Variants in NUP93 observed in about 807,000 individuals in gnomAD.
The protein encoded by NUP93 is nucleoporin 93.
NUP93 carries 55 observed loss-of-function variants against 107.8 expected under a neutral mutation model. The observed-to-expected ratio is 0.51, with a 90% CI of 0.41 to 0.64. NUP93 has a LOEUF of 0.64. Among genes scored for constraint, NUP93 ranks in the 30% least tolerant of loss-of-function variants. The probability of loss-of-function intolerance (pLI) is 0.00; values close to 1 mark genes in which losing one functional copy is unlikely to be tolerated. For missense variants in NUP93, 937 were observed against 1,044.7 expected (o/e 0.90, Z 1.42); for synonymous variants, 390 against 397.5 (o/e 0.98, Z 0.22).
chr16:56,755,872 CAAAAT>C (rs1962009013), intron 2 of NUP93, among the ~76,000 whole-genome samples: 1 of 152,080 alleles, frequency 6.6e-6, no homozygotes, highest in Non-Finnish European at 1.5e-5. Flanking sequence ...AAGACTGTCT[CAAAAT>C]AAATAAGTAA....
chr16:56,732,455 G>A (rs1961550401), intron 1 of NUP93, among the ~76,000 whole-genome samples: 1 of 152,340 alleles, frequency 6.6e-6, no homozygotes. Flanking sequence ...GAAGTGTGAT[G>A]TCAGGGCTGT....
intron 2 of NUP93, among the ~76,000 whole-genome samples, chr16:56,751,672 A>C (rs1391476196): frequency 6.6e-6 from 1 of 152,162 alleles, no homozygotes; most frequent in Non-Finnish European, 1.5e-5. Flanking sequence ...TTATGTATCC[A>C]ATATTTTCAG....
At chr16:56,786,592 G>C (rs1962632989) in intron 3 of NUP93, among the ~76,000 whole-genome samples, 1 of 152,214 alleles carries the variant, frequency 6.6e-6, no homozygotes, top group Non-Finnish European at 1.5e-5. Context: ...GAGTCTTCCT[G>C]GGCCTGTGTT....
intron 3 of NUP93, among the ~76,000 whole-genome samples, chr16:56,777,617 A>G (rs367888077): frequency 1.3e-5 from 2 of 152,352 alleles, no homozygotes; most frequent in South Asian, 2.1e-4. Flanking sequence ...CTAATTAGTA[A>G]GGACAGATGA....
At chr16:56,783,491 G>C (rs952712588) in intron 3 of NUP93, 1 of 985,324 alleles carries the variant, frequency 1.0e-6, no homozygotes, top group East Asian at 1.1e-4. Flanking sequence ...GAGACAATGA[G>C]ATGTGGTTTG....
At chr16:56,736,051 T>C (rs1254126020) in intron 1 of NUP93, among the ~76,000 whole-genome samples, 1 of 152,070 alleles carries the variant, frequency 6.6e-6, no homozygotes, top group East Asian at 1.9e-4. Flanking sequence ...GTTTAGGAGC[T>C]GGGTGCAGTG....
intron 3 of NUP93, among the ~76,000 whole-genome samples, chr16:56,778,734 G>C (rs373379304): frequency 2.6e-5 from 4 of 152,176 alleles, no homozygotes; most frequent in African/African-American, 9.7e-5. Flanking sequence ...ATTGAGAGTT[G>C]AGATTTCATT....
chr16:56,776,123 A>G (rs1453575264), intron 3 of NUP93, among the ~76,000 whole-genome samples: 4 of 151,958 alleles, frequency 2.6e-5, no homozygotes, highest in African/African-American at 9.7e-5. Context: ...ATGAAAAAAT[A>G]GAATTTTGCG....
intron 5 of NUP93, among the ~76,000 whole-genome samples, chr16:56,815,540 A>G (rs567826106): frequency 1.2e-4 from 19 of 152,206 alleles, no homozygotes; most frequent in African/African-American, 4.6e-4. Flanking sequence ...TGAGGTGTCC[A>G]TATCTGTCTG....
At chr16:56,744,936 C>T (rs1388261771) in intron 1 of NUP93, among the ~76,000 whole-genome samples, 3 of 152,198 alleles carry the variant, frequency 2.0e-5, no homozygotes, top group African/African-American at 7.2e-5. Context: ...AGGACAGACT[C>T]TCACCAACGG....
intron 1 of NUP93, among the ~76,000 whole-genome samples, chr16:56,734,778 G>A (rs989829582): frequency 1.3e-5 from 2 of 152,184 alleles, no homozygotes; most frequent in East Asian, 1.9e-4. Context: ...ACAATGCCAC[G>A]GTTTTAGACC....
intron 3 of NUP93, among the ~76,000 whole-genome samples, chr16:56,778,037 T>A (rs1962446797): frequency 6.6e-6 from 1 of 152,314 alleles, no homozygotes; most frequent in Middle Eastern, 3.4e-3. Context: ...GAAGTTTGTC[T>A]TCTACCTATA....
rs368419147 is a variant in NUP93, at chr16:56,798,464, C to A, written c.298-12C>A. ...TTAATTTTAAGTTGTGTTAATTTTC[C>A]CCCATTTATAGGGCTTCCTGAAGAA... On this transcript the variant is annotated splice_polypyrimidine_tract_variant and intron_variant, in intron 3 of 21. Coordinates refer to ENST00000308159, the MANE Select transcript of NUP93 (RefSeq NM_014669.5). 1.4e-4 allele frequency: 221 copies of A among 1,611,890 alleles called. 2 individuals are homozygous for A. The Middle Eastern group carries it at 1.8e-3, about 13-fold the overall frequency.
intron 3 of NUP93, among the ~76,000 whole-genome samples, chr16:56,767,123 G>A (rs1178128825): frequency 6.6e-6 from 1 of 152,268 alleles, no homozygotes; most frequent in Non-Finnish European, 1.5e-5. Flanking sequence ...TCTGACAGCT[G>A]CTGGTCTGCA....
intron 5 of NUP93, among the ~76,000 whole-genome samples, chr16:56,815,899 G>GCTGCTGCTGCTGCTGCTGGTGC (rs1555495759): frequency 9.4e-5 from 9 of 95,984 alleles, no homozygotes; most frequent in Non-Finnish European, 1.3e-4. Context: ...GCTGCTGCTG[G>GCTGCTGCTGCTGCTGCTGGTGC]TGCTGCTGCT....
intron 3 of NUP93, among the ~76,000 whole-genome samples, chr16:56,781,498 C>A (rs1273369252): frequency 6.6e-6 from 1 of 152,120 alleles, no homozygotes; most frequent in East Asian, 1.9e-4. Flanking sequence ...CTTTTAACTA[C>A]CATTTATTTT....
At chr16:56,766,840 C>G (rs565587177) in intron 3 of NUP93, among the ~76,000 whole-genome samples, 1 of 152,208 alleles carries the variant, frequency 6.6e-6, no homozygotes, top group East Asian at 1.9e-4. Flanking sequence ...AGAGGGGAGA[C>G]CCTTGGCTTT....
intron 8 of NUP93, among the ~76,000 whole-genome samples, 156 bp downstream of exon 8, chr16:56,824,002 A>G (rs1189523287): frequency 1.3e-5 from 2 of 152,218 alleles, no homozygotes; most frequent in Non-Finnish European, 2.9e-5. Context: ...ATCCTGTTTC[A>G]GAAATCCTGT....
intron 3 of NUP93, among the ~76,000 whole-genome samples, chr16:56,760,884 G>A (rs980510414): frequency 6.6e-6 from 1 of 152,066 alleles, no homozygotes; most frequent in African/African-American, 2.4e-5. Flanking sequence ...AGGAGGTTGA[G>A]GTTGAGGCTG....
Sources: gnomAD v4.1 joint callset for allele counts (sites outside exome capture counted in the v4.1 genomes callset) on GRCh38, gnomAD v4.1.1 for gene constraint, MANE v1.5 for transcripts, NCBI Gene and HGNC (gene_info 2026-07-23, HGNC 2026-07-21) for gene names.